Variants in POU6F2 observed in about 807,000 individuals in gnomAD.
POU6F2 encodes the protein POU domain, class 6, transcription factor 2.
POU6F2 carries 31 observed loss-of-function variants against 71.3 expected under a neutral mutation model. The ratio of observed to expected loss-of-function variants is 0.43; its 90% CI spans 0.33 to 0.59. The LOEUF is 0.59. Ranked by LOEUF, POU6F2 falls within the 20% of genes least tolerant of loss-of-function variation. The pLI is 0.04. For missense variants in POU6F2, 783 were observed against 856.8 expected (o/e 0.91, Z 1.07); for synonymous variants, 347 against 355.7 (o/e 0.98, Z 0.27).
intron 2 of POU6F2, among the ~76,000 whole-genome samples, chr7:39,142,756 A>G (rs969925449): frequency 6.6e-6 from 1 of 152,180 alleles, no homozygotes; most frequent in African/African-American, 2.4e-5. Flanking sequence ...AGTATAAAAG[A>G]AAAAAAGTTA....
At chr7:39,367,436 G>A (rs1786523767) in intron 5 of POU6F2, among the ~76,000 whole-genome samples, 1 of 152,182 alleles carries the variant, frequency 6.6e-6, no homozygotes, top group Non-Finnish European at 1.5e-5. Flanking sequence ...CCTCAAACAA[G>A]TAAGTTTCTC....
At chr7:39,386,302 C>T (rs1002836306) in intron 5 of POU6F2, among the ~76,000 whole-genome samples, 2 of 151,740 alleles carry the variant, frequency 1.3e-5, no homozygotes, top group African/African-American at 2.4e-5. Flanking sequence ...CCATTAACAT[C>T]CTACACACTA....
intron 2 of POU6F2, among the ~76,000 whole-genome samples, chr7:39,105,478 G>T (rs1244506851): frequency 6.7e-6 from 1 of 150,300 alleles, no homozygotes; most frequent in African/African-American, 2.4e-5. Context: ...CGCTCTTCAA[G>T]TGTCTTGAAT....
intron 5 of POU6F2, among the ~76,000 whole-genome samples, chr7:39,393,582 A>G (rs540582682): frequency 6.6e-6 from 1 of 152,314 alleles, no homozygotes; most frequent in Non-Finnish European, 1.5e-5. Flanking sequence ...AAGAGGGTAG[A>G]TGTTCTAAGG....
At chr7:38,983,395 CT>C (rs5883668) in intron 1 of POU6F2, among the ~76,000 whole-genome samples, 79,919 of 130,400 alleles carry the variant, frequency 0.61, 22,903 homozygotes, top group East Asian at 0.9. Context: ...TCCCTCCTTT[CT>C]TTTTTTTTTT....
At chr7:39,298,347 CA>C (rs1784890166) in intron 4 of POU6F2, among the ~76,000 whole-genome samples, 1 of 152,064 alleles carries the variant, frequency 6.6e-6, no homozygotes, top group African/African-American at 2.4e-5. Context: ...AAAATGTGGG[CA>C]AAGGATATGA....
intron 2 of POU6F2, among the ~76,000 whole-genome samples, chr7:39,155,736 A>G (rs188985422): frequency 1.1e-4 from 17 of 152,312 alleles, no homozygotes; most frequent in African/African-American, 4.1e-4. Flanking sequence ...AGTGGTCTTA[A>G]TTTTTGTTCC....
At position 39,295,785 on chromosome 7, in the gene POU6F2, C is replaced by G. The variant is rs556455816; in HGVS notation, c.599-43857C>G. 2.7e-3 allele frequency among the ~76,000 whole-genome samples: 410 copies of G among 152,352 alleles called. 1 individual carries two copies. The highest frequency in any genetic ancestry group is 4.9e-3 in the Non-Finnish European group (336 of 68,032). ...AAAATTCATCCACTAGAAATTTCTT[C>G]CAATATATAATTAAACATATTCTTT... is the stretch of plus-strand genomic sequence containing the variant. On this transcript the variant is annotated intron_variant, in intron 4 of 9. Coordinates refer to ENST00000518318, the MANE Select transcript of POU6F2 (RefSeq NM_001370959.1).
At chr7:39,041,936 A>T (rs1423129480) in intron 1 of POU6F2, among the ~76,000 whole-genome samples, 1 of 151,920 alleles carries the variant, frequency 6.6e-6, no homozygotes, top group Admixed American at 6.6e-5. Context: ...GGCTAATTTG[A>T]CTGGTAAGAA....
intron 4 of POU6F2, among the ~76,000 whole-genome samples, chr7:39,217,989 A>C (rs935851796): frequency 6.6e-6 from 1 of 152,214 alleles, no homozygotes; most frequent in Non-Finnish European, 1.5e-5. Context: ...ATGTCAAAGC[A>C]AAGCCAAAGC....
intron 4 of POU6F2, among the ~76,000 whole-genome samples, chr7:39,277,997 C>G (rs1199220249): frequency 6.6e-6 from 1 of 150,424 alleles, no homozygotes; most frequent in East Asian, 2.0e-4. Flanking sequence ...GTGGAGGTTG[C>G]AGGGAGGCAG....
At chr7:39,407,125 A>C (rs1364473904) in intron 6 of POU6F2, among the ~76,000 whole-genome samples, 1 of 152,068 alleles carries the variant, frequency 6.6e-6, no homozygotes, top group Non-Finnish European at 1.5e-5. Flanking sequence ...TAATGAGGGA[A>C]ACTGATCAGT....
At chr7:39,032,218 T>C (rs750939468) in intron 1 of POU6F2, among the ~76,000 whole-genome samples, 2 of 152,182 alleles carry the variant, frequency 1.3e-5, no homozygotes, top group Non-Finnish European at 2.9e-5. Context: ...ATTCTTAACA[T>C]TTTCTGGTCA....
intron 4 of POU6F2, among the ~76,000 whole-genome samples, chr7:39,249,947 A>C (rs2128752636): frequency 6.6e-6 from 1 of 152,330 alleles, no homozygotes; most frequent in East Asian, 1.9e-4. Flanking sequence ...GTCAGATGAC[A>C]CATGATGTGA....
At chr7:39,045,069 G>A (rs186722735) in intron 1 of POU6F2, among the ~76,000 whole-genome samples, 1 of 152,004 alleles carries the variant, frequency 6.6e-6, no homozygotes, top group East Asian at 1.9e-4. Flanking sequence ...ACTTCTCTGG[G>A]TACACAGGTA....
At chr7:39,212,369 A>G (rs1794157736) in intron 4 of POU6F2, among the ~76,000 whole-genome samples, 1 of 152,102 alleles carries the variant, frequency 6.6e-6, no homozygotes, top group Non-Finnish European at 1.5e-5. Flanking sequence ...GCCAATGGTG[A>G]GGTTTAGGTT....
At chr7:39,243,748 C>G (rs1407427437) in intron 4 of POU6F2, among the ~76,000 whole-genome samples, 2 of 151,814 alleles carry the variant, frequency 1.3e-5, no homozygotes, top group Admixed American at 1.3e-4. Context: ...GAAAACCCAG[C>G]TCTGTTAGGA....
chr7:39,319,521 C>T (rs1367741433), intron 4 of POU6F2, among the ~76,000 whole-genome samples: 3 of 152,158 alleles, frequency 2.0e-5, no homozygotes, highest in Admixed American at 6.5e-5. Flanking sequence ...ATATATTCAC[C>T]TCTGCACGGG....
intron 7 of POU6F2, among the ~76,000 whole-genome samples, chr7:39,449,958 G>A (rs1194055914): frequency 1.3e-5 from 2 of 152,186 alleles, no homozygotes; most frequent in South Asian, 2.1e-4. Flanking sequence ...AAGTTGAGGG[G>A]AAATTGATGA....
Sources: allele counts gnomAD v4.1 joint callset (sites outside exome capture counted in the v4.1 genomes callset), GRCh38; gene constraint gnomAD v4.1.1; transcripts MANE v1.5; gene names NCBI Gene and HGNC (gene_info 2026-07-23, HGNC 2026-07-21).